PUM1: variants seen among roughly 807,000 people sequenced by gnomAD.
PUM1 encodes the protein pumilio homolog 1.
In PUM1, 13 loss-of-function variants were observed where a neutral mutation model predicts 131.8. The ratio of observed to expected loss-of-function variants is 0.10; its 90% CI spans 0.06 to 0.16. The LOEUF is 0.16. PUM1 is among the 10% of genes least tolerant of loss of function. PUM1 has a pLI of 1.00. For missense variants in PUM1, 961 were observed against 1,512.4 expected, an observed-to-expected ratio of 0.64 and a Z score of 6.05; for synonymous variants, 509 against 556.5, an observed-to-expected ratio of 0.91 and a Z score of 1.20.
chr1:30,939,497 G>A (rs1255657597), intron 20 of PUM1, among the ~76,000 whole-genome samples: 7 of 152,178 alleles, frequency 4.6e-5, no homozygotes, highest in Admixed American at 4.6e-4. Context: ...GAAAAGACTG[G>A]GAAGTGACCA....
At chr1:30,976,918 A>T (rs903276802) in intron 9 of PUM1, among the ~76,000 whole-genome samples, 5 of 152,202 alleles carry the variant, frequency 3.3e-5, no homozygotes, top group African/African-American at 1.2e-4. Flanking sequence ...TAAAGAAATA[A>T]ATAAGAGAAA....
chr1:30,995,067 C>T lies in PUM1; in HGVS notation c.874G>A (p.Val292Ile), dbSNP rs941721111. 6.2e-6 allele frequency: 10 copies of T among 1,613,602 alleles called. No homozygotes were observed. The highest frequency in any genetic ancestry group is 1.7e-5 in the Admixed American group (1 of 59,936). ...AAACATACAAACCTAAAATCTTTGACGTCTGCATCAATCCCATTCTGCACT... is the reference window on the plus strand; with the variant it reads ...AAACATACAAACCTAAAATCTTTGATGTCTGCATCAATCCCATTCTGCACT... ...LPVQNGIDAD[V>I]KDFSRTPGNC... is the part of the protein sequence containing the mutation. Residue 292 changes from valine to isoleucine, a missense_variant, in exon 6 of 22, where the codon GTC becomes ATC. This residue lies in a region of PUM1 where 654 missense variants were observed against 923.9 expected (regional missense o/e 0.71). Coordinates refer to ENST00000426105, the MANE Select transcript of PUM1 (RefSeq NM_001020658.2).
At chr1:31,028,632 T>C (rs889686198) in intron 3 of PUM1, 164 bp downstream of exon 3, 8 of 666,688 alleles carry the variant, frequency 1.2e-5, no homozygotes, top group African/African-American at 9.0e-5. Flanking sequence ...TTTAATGACA[T>C]AGTTTTGGCA....
At chr1:30,944,437 T>C (rs1279311492) in intron 18 of PUM1, among the ~76,000 whole-genome samples, 4 of 152,110 alleles carry the variant, frequency 2.6e-5, no homozygotes, top group Non-Finnish European at 4.4e-5. Context: ...CACAAAACTA[T>C]AGCCAATTCA....
chr1:31,023,909 A>G (rs1278611403), intron 3 of PUM1, among the ~76,000 whole-genome samples: 3 of 134,894 alleles, frequency 2.2e-5, no homozygotes, highest in Non-Finnish European at 4.6e-5. Context: ...CTGGTGACAG[A>G]GCGAGACTCT....
At chr1:30,933,439 T>A (rs113408862) in intron 21 of PUM1, 97 bp from the exon 22 acceptor site, 5 of 362,424 alleles carry the variant, frequency 1.4e-5, no homozygotes, top group Non-Finnish European at 2.5e-5. Flanking sequence ...CACACACACA[T>A]ACACACACAC....
intron 7 of PUM1, among the ~76,000 whole-genome samples, chr1:30,984,417 C>A (rs556810560): frequency 5.9e-5 from 9 of 152,180 alleles, no homozygotes; most frequent in Non-Finnish European, 1.2e-4. Flanking sequence ...GCTCTGCTAA[C>A]ATTTTCATGT....
chr1:30,975,511 T>G (rs566159557), intron 9 of PUM1, among the ~76,000 whole-genome samples: 143 of 144,860 alleles, frequency 9.9e-4, no homozygotes, highest in African/African-American at 3.5e-3. Context: ...CCACTATACC[T>G]GACTAATTTT....
chr1:30,987,966 C>G (rs1451905563), intron 7 of PUM1, among the ~76,000 whole-genome samples: 1 of 152,194 alleles, frequency 6.6e-6, no homozygotes, highest in Non-Finnish European at 1.5e-5. Context: ...ACAGCTAGTA[C>G]ATCTACTTCT....
chr1:31,007,887 A>T (rs1015844256), intron 3 of PUM1, among the ~76,000 whole-genome samples: 1 of 152,248 alleles, frequency 6.6e-6, no homozygotes. Context: ...TTTGCATAAG[A>T]TCAAAGCACC....
At position 31,026,495 on chromosome 1, in the gene PUM1, T is replaced by C. The variant is rs143643491; in HGVS notation, c.432+2301A>G. 1.2e-3 allele frequency among the ~76,000 whole-genome samples: 177 copies of C among 152,280 alleles called. 1 individual carries two copies. Among genetic ancestry groups the C allele is most frequent in the African/African-American group, 4.1e-3 (170 of 41,552 alleles). ...ATAGAAAAAAATTTACTCTTTCTGT[T>C]TATATGTATATTCATTGTTTCCTTA... On this transcript the variant is annotated intron_variant, in intron 3 of 21. Transcript: ENST00000426105.
chr1:31,013,039 C>T (rs1004581062), intron 3 of PUM1, among the ~76,000 whole-genome samples: 1 of 152,152 alleles, frequency 6.6e-6, no homozygotes, highest in Non-Finnish European at 1.5e-5. Flanking sequence ...AGCTACTATC[C>T]TTCTTTAAAA....
chr1:31,015,481 A>G (rs1435456363), intron 3 of PUM1, among the ~76,000 whole-genome samples: 1 of 151,306 alleles, frequency 6.6e-6, no homozygotes, highest in Non-Finnish European at 1.5e-5. Context: ...AGCTGGGAAT[A>G]CAGGCACCTG....
chr1:31,023,757 C>T (rs1267935466), intron 3 of PUM1, among the ~76,000 whole-genome samples: 5 of 151,910 alleles, frequency 3.3e-5, no homozygotes, highest in African/African-American at 1.2e-4. Flanking sequence ...GGTGAAACCC[C>T]GTCTACTAAA....
chr1:30,977,621 A>G (rs976620166), intron 9 of PUM1, among the ~76,000 whole-genome samples: 2 of 152,148 alleles, frequency 1.3e-5, no homozygotes, highest in Admixed American at 6.5e-5. Flanking sequence ...AAGAATACAC[A>G]TTTTCATAGT....
At chr1:30,951,129 C>T (rs528783455) in intron 16 of PUM1, among the ~76,000 whole-genome samples, 46 of 152,276 alleles carry the variant, frequency 3.0e-4, no homozygotes, top group Middle Eastern at 3.4e-3. Flanking sequence ...CTCAGCCCAT[C>T]CAACCTCCTC....
chr1:31,040,707 T>A (rs907724082), intron 2 of PUM1, among the ~76,000 whole-genome samples: 1 of 151,848 alleles, frequency 6.6e-6, no homozygotes, highest in African/African-American at 2.4e-5. Flanking sequence ...GGAGTTCAAG[T>A]CCAGCCTGGG....
Position 30,971,982 on chromosome 1 carries a change from G to A in PUM1, c.1506+2669C>T, listed in dbSNP as rs115678870. On this transcript the variant is annotated intron_variant, in intron 10 of 21. Transcript: ENST00000426105. ...TTATTAAGAAATTTATTTGCTAGGT[G>A]CAGTGGTTCACACCTGTAACCCAGC... 3.0e-3 allele frequency among the ~76,000 whole-genome samples: 458 copies of A among 152,004 alleles called. 5 individuals are homozygous for A. The highest frequency in any genetic ancestry group is 0.018 in the South Asian group (88 of 4,818).
At chr1:30,993,764 A>C (rs766379497) in intron 6 of PUM1, among the ~76,000 whole-genome samples, 3 of 152,130 alleles carry the variant, frequency 2.0e-5, no homozygotes, top group Non-Finnish European at 4.4e-5. Flanking sequence ...CTGTGCCTTA[A>C]ATTTCTTCCA....
Sources: gnomAD v4.1 joint callset for allele counts (sites outside exome capture counted in the v4.1 genomes callset) on GRCh38, gnomAD v4.1.1 for gene constraint, gnomAD v4.1.1 regional missense constraint, MANE v1.5 for transcripts, NCBI Gene and HGNC (gene_info 2026-07-23, HGNC 2026-07-21) for gene names.